Variants in ENOX1 observed in about 807,000 individuals in gnomAD.
The protein encoded by ENOX1 is candidate growth-related and time keeping constitutive hydroquinone (NADH) oxidase.
Under a neutral mutation model 82.5 loss-of-function variants are expected in ENOX1, and 42 were observed. That is an observed-to-expected ratio of 0.51 (90% CI 0.40 to 0.66). The LOEUF is 0.66. ENOX1 is among the 30% of genes least tolerant of loss of function. ENOX1 has a pLI of 0.00. For synonymous variants in ENOX1, 271 were observed against 282.2 expected, an observed-to-expected ratio of 0.96 and a Z score of 0.40; for missense variants, 608 against 811.6, an observed-to-expected ratio of 0.75 and a Z score of 3.05.
At chr13:43,497,643 T>C (rs796344822) in intron 2 of ENOX1, among the ~76,000 whole-genome samples, 8 of 152,252 alleles carry the variant, frequency 5.3e-5, no homozygotes, top group African/African-American at 1.9e-4. Flanking sequence ...TATTTCCTAA[T>C]TGTATGTTAA....
chr13:43,348,751 T>A (rs1184690019), intron 8 of ENOX1, among the ~76,000 whole-genome samples: 2 of 152,210 alleles, frequency 1.3e-5, no homozygotes, highest in African/African-American at 2.4e-5. Flanking sequence ...AAGAAACCCT[T>A]ATTTGGCTTA....
intron 3 of ENOX1, among the ~76,000 whole-genome samples, chr13:43,431,664 T>C (rs775034192): frequency 1.3e-5 from 2 of 152,216 alleles, no homozygotes; most frequent in Non-Finnish European, 2.9e-5. Context: ...CGCAAATTCA[T>C]TGATTAAATA....
At chr13:43,553,935 G>C (rs2079320308) in intron 2 of ENOX1, among the ~76,000 whole-genome samples, 1 of 152,104 alleles carries the variant, frequency 6.6e-6, no homozygotes, top group Non-Finnish European at 1.5e-5. Flanking sequence ...TTTTAGTAGA[G>C]ACGGGATTTT....
chr13:43,447,787 G>A (rs2056739532), intron 3 of ENOX1, among the ~76,000 whole-genome samples: 1 of 152,102 alleles, frequency 6.6e-6, no homozygotes, highest in Non-Finnish European at 1.5e-5. Flanking sequence ...TATTGTTGAA[G>A]CTATCAGAAA....
intron 2 of ENOX1, among the ~76,000 whole-genome samples, chr13:43,667,145 A>G (rs2085020532): frequency 6.6e-6 from 1 of 152,232 alleles, no homozygotes; most frequent in African/African-American, 2.4e-5. Context: ...ATGTATTTAC[A>G]TAAGTGTTGA....
chr13:43,694,156 G>T (rs1328970450), intron 1 of ENOX1, among the ~76,000 whole-genome samples: 1 of 151,824 alleles, frequency 6.6e-6, no homozygotes. Context: ...CACCAAGCCT[G>T]CTCAATGGAG....
intron 1 of ENOX1, among the ~76,000 whole-genome samples, chr13:43,718,753 T>C: frequency 6.8e-6 from 1 of 147,490 alleles, no homozygotes; most frequent in East Asian, 2.0e-4. Context: ...GGAATAACGA[T>C]ATAATGTTGC....
chr13:43,540,806 CCATT>C (rs1367361499), intron 2 of ENOX1, among the ~76,000 whole-genome samples: 23 of 152,152 alleles, frequency 1.5e-4, no homozygotes, highest in Admixed American at 1.3e-3. Flanking sequence ...GACAAGGTAA[CCATT>C]CAGTCTTCTA....
Position 43,453,078 on chromosome 13 carries a change from T to C in ENOX1, c.-75+30931A>G, listed in dbSNP as rs145363023. Among the ~76,000 whole-genome samples, 56 of 152,336 alleles carry C rather than the reference T, an allele frequency of 3.7e-4. No individual in the cohort carries two copies. In the East Asian group the frequency reaches 9.6e-3, roughly 26 times the overall value. ...GCTATGCTTGCTATATCATTATTTG[T>C]GGACTTCCTTTTTTATTTTCCTGTT... On this transcript the variant is annotated intron_variant, in intron 3 of 16. Coordinates refer to ENST00000690772, the MANE Select transcript of ENOX1 (RefSeq NM_001347969.2).
chr13:43,380,579 AAC>A (rs2051971306), intron 5 of ENOX1, among the ~76,000 whole-genome samples: 2 of 151,734 alleles, frequency 1.3e-5, no homozygotes, highest in Admixed American at 6.6e-5. Flanking sequence ...ATTAAATATA[AAC>A]AGTCTAAATA....
chr13:43,368,134 T>C (rs1424429101), intron 5 of ENOX1, among the ~76,000 whole-genome samples: 3 of 151,668 alleles, frequency 2.0e-5, no homozygotes, highest in Non-Finnish European at 2.9e-5. Flanking sequence ...TTCCAAAGAG[T>C]TTCAAAGGCA....
chr13:43,671,300 G>C (rs529777827), intron 1 of ENOX1, among the ~76,000 whole-genome samples: 1 of 152,094 alleles, frequency 6.6e-6, no homozygotes, highest in Non-Finnish European at 1.5e-5. Context: ...GTGTGAGAAC[G>C]GACTAACACA....
intron 3 of ENOX1, chr13:43,459,333 C>T (rs2057363593): frequency 6.6e-6 from 1 of 152,182 alleles, no homozygotes; most frequent in African/African-American, 2.4e-5. Context: ...GTCAGACTGG[C>T]TACCCAGTGC....
chr13:43,460,816 AAAAAAAAAAAAAAATAG>A (rs1413685614), intron 3 of ENOX1, among the ~76,000 whole-genome samples: 8 of 82,214 alleles, frequency 9.7e-5, no homozygotes, highest in South Asian at 6.0e-4. Context: ...AAAAAAAAAA[AAAAAAAAAAAAAAATAG>A]GGATAGCTCT....
rs2050134010 is a variant in ENOX1 at position 43,356,039 on chromosome 13, G to A, written c.703C>T (p.Arg235Cys). ...FYEWECKQRM[R>C]AREERHRRKL... ...CGCCGGTGCCGCTCCTCCCGGGCACGCATCCTCTGCTTGCATTCCCACTCA... is the reference window on the plus strand; with the variant it reads ...CGCCGGTGCCGCTCCTCCCGGGCACACATCCTCTGCTTGCATTCCCACTCA... The change falls in exon 8 of 17, where the codon CGT becomes TGT. Residue 235 changes from arginine to cysteine, a missense_variant. By Grantham distance (180) the Arg-to-Cys change is radical. Transcript: ENST00000690772. The A allele has an allele frequency of 2.5e-6, 4 of 1,614,122 alleles. No individual in the cohort carries two copies. The highest frequency in any genetic ancestry group is 1.1e-5 in the South Asian group (1 of 91,078).
chr13:43,561,867 G>C (rs960417822), intron 2 of ENOX1, among the ~76,000 whole-genome samples: 6 of 151,954 alleles, frequency 3.9e-5, no homozygotes, highest in Non-Finnish European at 8.8e-5. Context: ...ATAGTACCAG[G>C]TACTTGGGAC....
At position 43,298,376 on chromosome 13, in the gene ENOX1, A is replaced by C; in HGVS notation, c.1416T>G (p.Phe472Leu). The change falls in exon 12 of 17, where the codon TTT becomes TTG. Residue 472 changes from phenylalanine to leucine, a missense_variant. Transcript: ENST00000690772. ...ENLTKDQQLQ[F>L]LQQTMQGMQQ... ...GCATGCCTTGCATGGTTTGCTGCAGAAACTGCAGTTGCTGGTCCTTGGTGA... is the reference window on the plus strand; with the variant it reads ...GCATGCCTTGCATGGTTTGCTGCAGCAACTGCAGTTGCTGGTCCTTGGTGA... The C allele has an allele frequency of 6.2e-7, 1 of 1,611,638 alleles. No homozygotes were observed. The highest frequency in any genetic ancestry group is 8.5e-7 in the Non-Finnish European group (1 of 1,179,514).
rs1255113172 is a variant in ENOX1, at chr13:43,726,249, C to G, written c.-284-58705G>C. Among the ~76,000 whole-genome samples the G allele has an allele frequency of 5.7e-5, 8 of 141,046 alleles. No homozygotes were observed. The East Asian group carries it at 1.7e-3, about 29-fold the overall frequency. 92.5% of individuals were successfully genotyped at this position (141,046 alleles called of 152,430 possible). A position where few individuals can be genotyped will look rare whatever the true frequency, so the allele number is the denominator to read the frequency against. ...TTTTTTTTTGAGATGGAGTTTCGCT[C>G]TGTTGCCCAGGCTTGAGTGTGCAGT... On this transcript the variant is annotated intron_variant, in intron 1 of 16. Transcript: ENST00000690772.
intron 2 of ENOX1, among the ~76,000 whole-genome samples, chr13:43,662,995 T>C (rs997068847): frequency 1.3e-5 from 2 of 152,162 alleles, no homozygotes; most frequent in African/African-American, 2.4e-5. Flanking sequence ...GAGGGAAGGA[T>C]TTTGAAAATG....
Sources: allele counts gnomAD v4.1 joint callset (sites outside exome capture counted in the v4.1 genomes callset), GRCh38; gene constraint gnomAD v4.1.1; transcripts MANE v1.5; gene names NCBI Gene and HGNC (gene_info 2026-07-23, HGNC 2026-07-21).